The following TCERG1L variants were observed in gnomAD, a reference collection of about 807,000 sequenced individuals.
The protein encoded by TCERG1L is transcription elongation regulator 1 like, also known as transcription elongation regulator 1-like protein.
TCERG1L carries 37 observed loss-of-function variants against 56.3 expected under a neutral mutation model. The ratio of observed to expected loss-of-function variants is 0.66; its 90% confidence interval spans 0.51 to 0.87. The LOEUF is 0.87. Among genes scored for constraint, TCERG1L ranks in the 40% least tolerant of loss-of-function variants. The pLI is 0.00. For missense variants in TCERG1L, 799 were observed against 774.2 expected, an observed-to-expected ratio of 1.03 and a Z score of -0.38; for synonymous variants, 324 against 326.3, an observed-to-expected ratio of 0.99 and a Z score of 0.08.
In TCERG1L at chr10:131,164,842, T is replaced by G. The variant is rs12242334; in HGVS notation, c.946-1632A>C. Among the ~76,000 whole-genome samples the G allele has an allele frequency of 7.5e-3, 1,134 of 152,202 alleles. 14 individuals carry two copies. The highest frequency in any genetic ancestry group is 0.025 in the African/African-American group (1,026 of 41,518). ...TAACCATTCGACCACCAAAACTAAA[T>G]GAAGTCAATGCTCCAAAGTCCTCGT... is the stretch of plus-strand genomic sequence containing the variant. On this transcript the variant is annotated intron_variant, in intron 5 of 11. Transcript: ENST00000368642.
intron 8 of TCERG1L, among the ~76,000 whole-genome samples, chr10:131,122,871 G>A (rs998322396): frequency 1.3e-5 from 2 of 152,314 alleles, no homozygotes; most frequent in Middle Eastern, 3.4e-3. Context: ...TGGGTGGTTG[G>A]TGTCAGAATT....
intron 3 of TCERG1L, among the ~76,000 whole-genome samples, chr10:131,299,079 T>C (rs922906972): frequency 6.6e-6 from 1 of 152,234 alleles, no homozygotes; most frequent in African/African-American, 2.4e-5. Flanking sequence ...TTATTAGAAA[T>C]TTTTATCCCT....
chr10:131,280,006 G>C (rs1189776404), intron 3 of TCERG1L, among the ~76,000 whole-genome samples: 1 of 152,206 alleles, frequency 6.6e-6, no homozygotes, highest in East Asian at 1.9e-4. Flanking sequence ...AAATCAGAGA[G>C]AGGTCTCAGT....
chr10:131,275,917 C>A (rs1167287492), intron 3 of TCERG1L, among the ~76,000 whole-genome samples: 1 of 152,076 alleles, frequency 6.6e-6, no homozygotes, highest in Non-Finnish European at 1.5e-5. Flanking sequence ...GCACGCACCC[C>A]CAGGTTGGCT....
chr10:131,097,494 C>T (rs1489788870), intron 11 of TCERG1L, among the ~76,000 whole-genome samples: 15 of 152,134 alleles, frequency 9.9e-5, no homozygotes, highest in Non-Finnish European at 1.8e-4. Context: ...ACTACAGGCA[C>T]CCACCACCAC....
chr10:131,278,527 G>A (rs1208624404), intron 3 of TCERG1L, among the ~76,000 whole-genome samples: 1 of 150,998 alleles, frequency 6.6e-6, no homozygotes. Context: ...ATTGTTAGTA[G>A]AGACAGGGTT....
chr10:131,093,347 C>T, intron 11 of TCERG1L, 29 bp from the exon 12 acceptor site: 1 of 1,610,250 alleles, frequency 6.2e-7, no homozygotes, highest in Non-Finnish European at 8.5e-7. Context: ...CCTGAGACAC[C>T]TTCCAGAGAG....
intron 7 of TCERG1L, among the ~76,000 whole-genome samples, chr10:131,139,504 C>G (rs1845709533): frequency 6.6e-6 from 1 of 152,124 alleles, no homozygotes; most frequent in Non-Finnish European, 1.5e-5. Context: ...TGAAAGATAG[C>G]CAAGACGCAT....
intron 4 of TCERG1L, among the ~76,000 whole-genome samples, chr10:131,238,569 T>C (rs1845939096): frequency 6.6e-6 from 1 of 152,208 alleles, no homozygotes; most frequent in African/African-American, 2.4e-5. Flanking sequence ...TCCTGGAAGT[T>C]ATGTGCTTTC....
At chr10:131,121,180 A>G (rs567500820) in intron 8 of TCERG1L, among the ~76,000 whole-genome samples, 1 of 152,294 alleles carries the variant, frequency 6.6e-6, no homozygotes, top group South Asian at 2.1e-4. Context: ...ACACAGGTTG[A>G]GATGGCGTCA....
At chr10:131,099,091 G>C (rs1301573777) in intron 10 of TCERG1L, among the ~76,000 whole-genome samples, 1 of 152,202 alleles carries the variant, frequency 6.6e-6, no homozygotes, top group Non-Finnish European at 1.5e-5. Flanking sequence ...AACTGGCCAG[G>C]AGGCCTGACC....
At chr10:131,309,939 C>T (rs1184418550) in intron 1 of TCERG1L, among the ~76,000 whole-genome samples, 1 of 150,588 alleles carries the variant, frequency 6.6e-6, no homozygotes, top group Admixed American at 6.6e-5. Flanking sequence ...TTCAGGGCAC[C>T]GTCTCTCTAA....
chr10:131,165,903 C>A (rs900189759), intron 5 of TCERG1L, among the ~76,000 whole-genome samples: 2 of 152,154 alleles, frequency 1.3e-5, no homozygotes, highest in African/African-American at 4.8e-5. Flanking sequence ...ACTCGAAGAA[C>A]CATGTGATGA....
intron 4 of TCERG1L, among the ~76,000 whole-genome samples, chr10:131,190,078 A>G (rs1338081063): frequency 4.6e-5 from 7 of 152,234 alleles, no homozygotes; most frequent in Non-Finnish European, 8.8e-5. Context: ...TTAATTAACA[A>G]TGAAGCCGGA....
intron 6 of TCERG1L, among the ~76,000 whole-genome samples, chr10:131,149,451 G>A (rs1845839943): frequency 6.6e-6 from 1 of 152,218 alleles, no homozygotes; most frequent in Non-Finnish European, 1.5e-5. Context: ...AACCCGGCTA[G>A]CATAGGAAGT....
rs1347112855 is a variant in TCERG1L, at chr10:131,260,149, C to T, written c.856+110G>A. Reference sequence around the variant, plus strand: ...GCCGAATGTTTCCCTCAACCGGAGCCGGGCTTCAGGTCCCACAGCGCCTGG... The same window carrying T: ...GCCGAATGTTTCCCTCAACCGGAGCTGGGCTTCAGGTCCCACAGCGCCTGG... On this transcript the variant is annotated intron_variant, in intron 4 of 11. Transcript: ENST00000368642. The surrounding 1 kb of genome is among the most constrained non-coding windows in gnomAD (Gnocchi z 5.8). The T allele has an allele frequency of 8.9e-6, 11 of 1,237,136 alleles. No individual in the cohort carries two copies. The highest frequency in any genetic ancestry group is 4.7e-5 in the African/African-American group (3 of 64,496). 76.6% of individuals were successfully genotyped at this position (1,237,136 alleles called of 1,614,324 possible). A position where few individuals can be genotyped will look rare whatever the true frequency, so the allele number is the denominator to read the frequency against.
chr10:131,250,112 G>T (rs1255826502), intron 4 of TCERG1L, among the ~76,000 whole-genome samples: 3 of 152,200 alleles, frequency 2.0e-5, no homozygotes, highest in Non-Finnish European at 2.9e-5. Flanking sequence ...CTCACATGAA[G>T]CTGCATGCGG....
At chr10:131,270,002 A>T (rs558255257) in intron 3 of TCERG1L, among the ~76,000 whole-genome samples, 1 of 152,334 alleles carries the variant, frequency 6.6e-6, no homozygotes, top group East Asian at 1.9e-4. Context: ...AGCGCACTTC[A>T]GGAGGATATC....
rs2133380746 is a variant in TCERG1L, at chr10:131,101,998, A to G, written c.1485+2267T>C. Among the ~76,000 whole-genome samples, 2 of 152,346 alleles carry G rather than the reference A, an allele frequency of 1.3e-5. 1 individual carries two copies. The highest frequency in any genetic ancestry group is 4.1e-4 in the South Asian group (2 of 4,832). ...ATTACAGGCATGAGCCATCATGCCC[A>G]GCCCATAGCTGAAATTTTTGATTTT... is the stretch of plus-strand genomic sequence containing the variant. On this transcript the variant is annotated intron_variant, in intron 10 of 11. Transcript: ENST00000368642.
Sources: gnomAD v4.1 joint callset for allele counts (sites outside exome capture counted in the v4.1 genomes callset) on GRCh38, gnomAD v4.1.1 for gene constraint, Gnocchi (gnomAD v3.1) non-coding constraint, MANE v1.5 for transcripts, NCBI Gene and HGNC (gene_info 2026-07-23, HGNC 2026-07-21) for gene names.